The following ART1 variants were observed in gnomAD, a reference collection of about 807,000 sequenced individuals.
The protein encoded by ART1 is ADP-ribosyltransferase 1.
In ART1, 29 loss-of-function variants were observed where a neutral mutation model predicts 27.0. The ratio of observed to expected loss-of-function variants is 1.08; its 90% confidence interval spans 0.80 to 1.47. The LOEUF is 1.47. Ranked by LOEUF, ART1 falls within the 40% of genes most tolerant of loss-of-function variation. ART1 has a pLI of 0.00. For synonymous variants in ART1, 201 were observed against 172.2 expected, an observed-to-expected ratio of 1.17 and a Z score of -1.31; for missense variants, 480 against 423.0, an observed-to-expected ratio of 1.13 and a Z score of -1.18.
At chr11:3,656,032 A>G (rs1219760256) in intron 1 of ART1, among the ~76,000 whole-genome samples, 1 of 147,238 alleles carries the variant, frequency 6.8e-6, no homozygotes. Context: ...TCCCAGGTTC[A>G]AGAGATTCTT....
At chr11:3,655,501 C>G (rs967337518) in intron 1 of ART1, 3 of 152,230 alleles carry the variant, frequency 2.0e-5, no homozygotes, top group Non-Finnish European at 4.4e-5. Flanking sequence ...TCACAAAAAA[C>G]AGGCTCCCAG....
At chr11:3,663,134 C>CTCATCTCATCTCA (rs2077635939) in intron 4 of ART1, among the ~76,000 whole-genome samples, 12 of 148,078 alleles carry the variant, frequency 8.1e-5, no homozygotes, top group Non-Finnish European at 1.5e-4. Context: ...CTCATCTCAT[C>CTCATCTCATCTCA]TCATCTCATC....
chr11:3,655,319 G>T (rs1229836854), intron 1 of ART1, among the ~76,000 whole-genome samples: 2 of 116,570 alleles, frequency 1.7e-5, no homozygotes, highest in African/African-American at 2.6e-5. Flanking sequence ...TCAGGGAGCG[G>T]CAAAGTCAGA....
At chr11:3,653,305 C>T (rs1043613335) in intron 1 of ART1, among the ~76,000 whole-genome samples, 1 of 148,684 alleles carries the variant, frequency 6.7e-6, no homozygotes, top group African/African-American at 2.6e-5. Flanking sequence ...CCGGTTCCTG[C>T]CTTAACTGAT....
intron 1 of ART1, among the ~76,000 whole-genome samples, chr11:3,658,787 T>A (rs180999916): frequency 6.6e-6 from 1 of 152,280 alleles, no homozygotes; most frequent in African/African-American, 2.4e-5. Flanking sequence ...GACTGGCCCA[T>A]CTTCCCAACG....
chr11:3,648,188 AC>A (rs1383908795), intron 1 of ART1, among the ~76,000 whole-genome samples: 1 of 151,626 alleles, frequency 6.6e-6, no homozygotes, highest in African/African-American at 2.4e-5. Context: ...AAACGGCCCC[AC>A]CCTTATCTCC....
At chr11:3,651,305 G>A (rs2077520073) in intron 1 of ART1, among the ~76,000 whole-genome samples, 1 of 150,794 alleles carries the variant, frequency 6.6e-6, no homozygotes, top group Admixed American at 6.6e-5. Context: ...ACTGCCGCAA[G>A]GCTTCACAGA....
At chr11:3,661,559 A>C in intron 4 of ART1, 146 bp downstream of exon 4, 1 of 590,582 alleles carries the variant, frequency 1.7e-6, no homozygotes, top group East Asian at 3.2e-5. Context: ...CAATGGCACA[A>C]TCTCGGCTCA....
intron 1 of ART1, among the ~76,000 whole-genome samples, chr11:3,648,509 C>T (rs893477087): frequency 1.2e-4 from 18 of 152,200 alleles, no homozygotes; most frequent in Non-Finnish European, 5.9e-5. Flanking sequence ...CCCTCAACCT[C>T]TTTCCCCTTT....
At chr11:3,653,485 C>T (rs939903158) in intron 1 of ART1, among the ~76,000 whole-genome samples, 3 of 150,526 alleles carry the variant, frequency 2.0e-5, no homozygotes, top group African/African-American at 5.0e-5. Context: ...CTGTAATTTT[C>T]CTTTATCTAC....
intron 3 of ART1, 40 bp from the exon 4 acceptor site, chr11:3,661,332 G>T (rs751581752): frequency 8.8e-6 from 14 of 1,594,502 alleles, no homozygotes; most frequent in African/African-American, 1.4e-5. Context: ...CATCCTGACA[G>T]CTCCTGAGCC....
chr11:3,649,844 C>A (rs898336368), intron 1 of ART1, among the ~76,000 whole-genome samples: 32 of 152,254 alleles, frequency 2.1e-4, no homozygotes, highest in Middle Eastern at 3.4e-3. Flanking sequence ...AGAAAAACCC[C>A]GCCCAGTTCA....
At chr11:3,652,475 A>C (rs56043158) in intron 1 of ART1, among the ~76,000 whole-genome samples, 18,454 of 151,764 alleles carry the variant, frequency 0.12, 1,226 homozygotes, top group South Asian at 0.2. Flanking sequence ...AACACACCTC[A>C]TCAAGCTCAG....
chr11:3,664,407 T>C lies in ART1; in HGVS notation c.*218T>C, dbSNP rs1409383142. ...TAGGAGTGAGACTCTGAATAAAGGG[T>C]TGGGCCGGCGGTGTGGCAGGTACTT... On this transcript the variant is annotated 3_prime_UTR_variant, in exon 5 of 5. Coordinates refer to ENST00000250693, the MANE Select transcript of ART1 (RefSeq NM_004314.3). 7.6e-6 allele frequency: 4 copies of C among 523,670 alleles called. No homozygotes were observed. The Admixed American group carries it at 1.0e-4, about 13-fold the overall frequency. The allele number at this position is 523,670 out of a possible 1,614,324, so 32.4% of individuals were successfully genotyped here.
chr11:3,650,401 A>G (rs1434515914), intron 1 of ART1, among the ~76,000 whole-genome samples: 1 of 152,208 alleles, frequency 6.6e-6, no homozygotes, highest in Non-Finnish European at 1.5e-5. Context: ...TCGGCTTAGC[A>G]GCTGAAGACT....
chr11:3,664,285 C>T lies in ART1; in HGVS notation c.*96C>T, dbSNP rs1178325310. The T allele has an allele frequency of 2.5e-6, 3 of 1,218,842 alleles. No homozygotes were observed. The highest frequency in any genetic ancestry group is 2.7e-4 in the Middle Eastern group (1 of 3,710). 75.5% of individuals were successfully genotyped at this position (1,218,842 alleles called of 1,614,324 possible). A position where few individuals can be genotyped will look rare whatever the true frequency, so the allele number is the denominator to read the frequency against. On this transcript the variant is annotated 3_prime_UTR_variant, in exon 5 of 5. Transcript: ENST00000250693. ...AGTGTAACCAAGATTCCTGTCAATC[C>T]CATCTGCAGGGAACTCTGGGACCTT...
At chr11:3,647,263 A>G (rs1223182002) in intron 1 of ART1, among the ~76,000 whole-genome samples, 2 of 151,006 alleles carry the variant, frequency 1.3e-5, no homozygotes, top group Non-Finnish European at 3.0e-5. Context: ...CAGAGGTTGC[A>G]GTGAGTCGAG....
At chr11:3,661,256 G>A in intron 3 of ART1, 116 bp from the exon 4 acceptor site, 2 of 906,978 alleles carry the variant, frequency 2.2e-6, no homozygotes, top group Non-Finnish European at 3.3e-6. Context: ...CAGAATTAGG[G>A]GGAAATGCAC....
chr11:3,661,375 A>G lies in ART1; in HGVS notation c.848A>G (p.Lys283Arg). Residue 283 changes from lysine to arginine, a missense_variant, in exon 4 of 5, where the codon AAG (lysine) becomes AGG (arginine). Lys to Arg is a conservative substitution (Grantham distance 26). Transcript: ENST00000250693. ...CTTTACTGTTTCTTTTCTATAGACA[A>G]GAAGTGCAAGTCTGGGCCTTGCCAT... ...STYNCEYIKD[K>R]KCKSGPCHLD... 1.9e-6 allele frequency: 3 copies of G among 1,612,156 alleles called. No individual in the cohort carries two copies. In the South Asian group the frequency reaches 3.3e-5, roughly 18 times the overall value.
Sources: allele counts gnomAD v4.1 joint callset (sites outside exome capture counted in the v4.1 genomes callset), GRCh38; gene constraint gnomAD v4.1.1; transcripts MANE v1.5; gene names NCBI Gene and HGNC (gene_info 2026-07-23, HGNC 2026-07-21).